The following SPRED2 variants were observed in gnomAD, a reference collection of about 807,000 sequenced individuals.
The protein encoded by SPRED2 is sprouty related EVH1 domain containing 2, also known as sprouty-related, EVH1 domain-containing protein 2.
SPRED2 carries 47 observed loss-of-function variants against 43.0 expected under a neutral mutation model. That is an observed-to-expected ratio of 1.09 (90% CI 0.87 to 1.40). The LOEUF (loss-of-function observed/expected upper bound fraction) is 1.40. SPRED2 is among the 40% of genes most tolerant of loss of function. The pLI, the probability that SPRED2 is intolerant of heterozygous loss-of-function variation, is 0.00. For missense variants in SPRED2, 561 were observed against 586.4 expected (o/e 0.96, Z 0.45); for synonymous variants, 225 against 225.7 (o/e 1.00, Z 0.03).
chr2:65,315,047 C>G (rs1475635098), intron 5 of SPRED2, among the ~76,000 whole-genome samples: 2 of 147,710 alleles, frequency 1.4e-5, no homozygotes, highest in African/African-American at 5.4e-5. Context: ...AGTCCTGCTA[C>G]AGGCTGCAAC....
At chr2:65,371,345 AAAG>A (rs1029369286) in intron 1 of SPRED2, among the ~76,000 whole-genome samples, 1 of 152,240 alleles carries the variant, frequency 6.6e-6, no homozygotes, top group Non-Finnish European at 1.5e-5. Context: ...TCTCTTGAAA[AAAG>A]AAGCCTCAGC....
chr2:65,409,574 ACATCT>A (rs1676103339), intron 1 of SPRED2, among the ~76,000 whole-genome samples: 1 of 151,978 alleles, frequency 6.6e-6, no homozygotes, highest in Admixed American at 6.6e-5. Flanking sequence ...TTAGCAATTT[ACATCT>A]CATGCACTAT....
intron 1 of SPRED2, among the ~76,000 whole-genome samples, chr2:65,346,652 C>T (rs562003117): frequency 6.6e-6 from 1 of 152,272 alleles, no homozygotes; most frequent in East Asian, 1.9e-4. Context: ...TTGGCTGGGC[C>T]TCTGTGGCCC....
chr2:65,345,674 T>C (rs1301797514), intron 1 of SPRED2, among the ~76,000 whole-genome samples: 1 of 152,246 alleles, frequency 6.6e-6, no homozygotes, highest in Non-Finnish European at 1.5e-5. Context: ...TAAAATAGGA[T>C]AATCTACTTG....
chr2:65,315,720 G>A (rs994033322), intron 5 of SPRED2, among the ~76,000 whole-genome samples: 3 of 152,164 alleles, frequency 2.0e-5, no homozygotes, highest in East Asian at 1.9e-4. Flanking sequence ...ACGCAATGGC[G>A]CAATCTTGGC....
chr2:65,367,481 T>A (rs573083046), intron 1 of SPRED2, among the ~76,000 whole-genome samples: 190 of 152,064 alleles, frequency 1.2e-3, no homozygotes, highest in African/African-American at 2.5e-3. Context: ...TTAAAAAAAA[T>A]TTTTTTTTCA....
chr2:65,431,974 G>A lies in SPRED2; in HGVS notation c.14C>T (p.Thr5Ile). 1 of 1,614,004 alleles carries A rather than the reference G, an allele frequency of 6.2e-7. No individual in the cohort carries two copies. Among genetic ancestry groups the A allele is most frequent in the Non-Finnish European group, 8.5e-7 (1 of 1,179,984 alleles). Residue 5 changes from threonine (T) to isoleucine (I), a missense_variant, in exon 1 of 6, where the codon ACA becomes ATA. By Grantham distance (89) the Thr-to-Ile change is moderately conservative. Around this residue, in one of 6 missense-constraint regions of SPRED2, gnomAD observed 305 missense variants for 282.4 expected, o/e 1.08. Transcript: ENST00000356388. MTEE[T>I]HPDDDSYIVR... The stretch of plus-strand genomic sequence containing the variant: ...CGACCAAACTTACTCGTCTGGGTGT[G>A]TTTCTTCGGTCATTTTCTTGTTCAC...
chr2:65,408,546 C>T (rs1411868047), intron 1 of SPRED2, among the ~76,000 whole-genome samples: 2 of 152,002 alleles, frequency 1.3e-5, no homozygotes, highest in Non-Finnish European at 2.9e-5. Flanking sequence ...TAATCCCAGT[C>T]GCCAGCCACA....
At chr2:65,422,861 G>A (rs1459276936) in intron 1 of SPRED2, among the ~76,000 whole-genome samples, 1 of 152,168 alleles carries the variant, frequency 6.6e-6, no homozygotes, top group Non-Finnish European at 1.5e-5. Flanking sequence ...CAGGGCCAGA[G>A]GTGAGCTGTT....
chr2:65,429,763 T>C (rs1430279734), intron 1 of SPRED2, among the ~76,000 whole-genome samples: 1 of 152,098 alleles, frequency 6.6e-6, no homozygotes, highest in Non-Finnish European at 1.5e-5. Flanking sequence ...CTTCAGTGGC[T>C]AAGGTGCCAA....
At chr2:65,413,349 T>C (rs1182846820) in intron 1 of SPRED2, among the ~76,000 whole-genome samples, 1 of 152,118 alleles carries the variant, frequency 6.6e-6, no homozygotes, top group African/African-American at 2.4e-5. Flanking sequence ...GGCCAGCCAA[T>C]ACCCACAGTG....
chr2:65,415,923 C>G (rs1208967415), intron 1 of SPRED2, among the ~76,000 whole-genome samples: 1 of 152,170 alleles, frequency 6.6e-6, no homozygotes, highest in Non-Finnish European at 1.5e-5. Flanking sequence ...CCTCAGCTCA[C>G]TAATACGAAT....
At chr2:65,350,671 T>A (rs1361629716) in intron 1 of SPRED2, among the ~76,000 whole-genome samples, 1 of 152,184 alleles carries the variant, frequency 6.6e-6, no homozygotes, top group African/African-American at 2.4e-5. Context: ...CAGGTGACAT[T>A]GTAAGTCAGG....
At chr2:65,327,713 C>CTTTTTTTTTTT (rs555549300) in intron 4 of SPRED2, among the ~76,000 whole-genome samples, 7 of 74,462 alleles carry the variant, frequency 9.4e-5, no homozygotes, top group Admixed American at 2.0e-4. Context: ...TTCTTTCTTT[C>CTTTTTTTTTTT]TTTTTTTTTT....
At chr2:65,373,188 A>T (rs62139125) in intron 1 of SPRED2, among the ~76,000 whole-genome samples, 16,726 of 152,278 alleles carry the variant, frequency 0.11, 1,374 homozygotes, top group Non-Finnish European at 0.16. Flanking sequence ...CTAGTTATAC[A>T]ACCTGAGGTA....
At chr2:65,410,121 C>T (rs2103758381) in intron 1 of SPRED2, among the ~76,000 whole-genome samples, 1 of 152,158 alleles carries the variant, frequency 6.6e-6, no homozygotes, top group East Asian at 1.9e-4. Flanking sequence ...CCTGTAATAC[C>T]TATGCTTTGG....
intron 4 of SPRED2, among the ~76,000 whole-genome samples, chr2:65,323,196 T>G (rs1673485584): frequency 1.3e-5 from 2 of 152,156 alleles, no homozygotes; most frequent in Admixed American, 1.3e-4. Context: ...GGTTTCGCCA[T>G]GTTGGCCAGG....
chr2:65,307,919 C>T (rs954934385), downstream of SPRED2, among the ~76,000 whole-genome samples: 3 of 152,260 alleles, frequency 2.0e-5, no homozygotes, highest in African/African-American at 7.2e-5. Flanking sequence ...CATTGGCGGG[C>T]ACTTTCACAA....
chr2:65,331,843 T>C, intron 4 of SPRED2, 144 bp downstream of exon 4: 1 of 586,200 alleles, frequency 1.7e-6, no homozygotes, highest in Non-Finnish European at 3.0e-6. Flanking sequence ...TGAGAAAAAT[T>C]GTAGTAAGAC....
Sources: allele counts gnomAD v4.1 joint callset (sites outside exome capture counted in the v4.1 genomes callset), GRCh38; gene constraint gnomAD v4.1.1; regional missense constraint gnomAD v4.1.1; transcripts MANE v1.5; gene names NCBI Gene and HGNC (gene_info 2026-07-23, HGNC 2026-07-21).